PPARGC1A: variants seen among roughly 807,000 people sequenced by gnomAD.
The protein encoded by PPARGC1A is PPARG coactivator 1 alpha.
PPARGC1A carries 25 observed loss-of-function variants against 88.7 expected under a neutral mutation model. That is an observed-to-expected ratio of 0.28 (90% CI 0.21 to 0.39). The LOEUF is 0.39. Ranked by LOEUF, PPARGC1A falls within the 10% of genes least tolerant of loss-of-function variation. The pLI is 1.00. For missense variants in PPARGC1A, 880 were observed against 968.7 expected (o/e 0.91, Z 1.22); for synonymous variants, 363 against 355.6 (o/e 1.02, Z -0.24).
At chr4:24,263,430 CAT>C in the PPARGC1A span, among the ~76,000 whole-genome samples, 2 of 142,930 alleles carry the variant, frequency 1.4e-5, no homozygotes, top group African/African-American at 5.3e-5. Flanking sequence ...AGAAAAATGA[CAT>C]ATGTATACAC....
the PPARGC1A span, among the ~76,000 whole-genome samples, chr4:24,306,974 TACTA>T: frequency 5.9e-5 from 9 of 152,380 alleles, no homozygotes; most frequent in Middle Eastern, 3.4e-3. Context: ...CTTTCATTAT[TACTA>T]TTCAATAACT....
chr4:24,391,592 C>A, the PPARGC1A span, among the ~76,000 whole-genome samples: 1 of 151,960 alleles, frequency 6.6e-6, no homozygotes, highest in African/African-American at 2.4e-5. Context: ...CAGTATAAAA[C>A]AAAATTAAAT....
the PPARGC1A span, among the ~76,000 whole-genome samples, chr4:24,059,098 C>T: frequency 1.2e-4 from 18 of 152,088 alleles, no homozygotes; most frequent in South Asian, 4.1e-4. Flanking sequence ...AGCGCATTTC[C>T]GTGTTTATTT....
At chr4:24,314,383 T>C in the PPARGC1A span, among the ~76,000 whole-genome samples, 8 of 152,336 alleles carry the variant, frequency 5.3e-5, no homozygotes, top group African/African-American at 1.9e-4. Flanking sequence ...ATAAAAGGGC[T>C]GGAGGGAACT....
intron 2 of PPARGC1A, among the ~76,000 whole-genome samples, chr4:23,870,806 T>C (rs1229784587): frequency 6.6e-6 from 1 of 152,178 alleles, no homozygotes; most frequent in Non-Finnish European, 1.5e-5. Flanking sequence ...AATTAGGTTT[T>C]CCAGTATGAA....
the PPARGC1A span, among the ~76,000 whole-genome samples, chr4:24,160,277 TA>T: frequency 8.9e-4 from 135 of 152,318 alleles, no homozygotes; most frequent in African/African-American, 2.9e-3. Context: ...ACAAAACAGA[TA>T]AAAAGCCTTG....
chr4:24,465,825 C>A, the PPARGC1A span, among the ~76,000 whole-genome samples: 11 of 152,212 alleles, frequency 7.2e-5, no homozygotes, highest in South Asian at 2.3e-3. Context: ...CAGAAGATAC[C>A]TGTTATAACA....
Position 23,814,049 on chromosome 4 carries a change from T to C in PPARGC1A, c.1434A>G (p.Ala478=), listed in dbSNP as rs146861373. The change falls in exon 8 of 13, where the codon GCA becomes GCG. Residue 478 remains alanine, a synonymous_variant. Transcript: ENST00000264867. The part of the protein sequence containing the change: ...HPSQAVFDDE[A]DKTGELRDSD... ...TGTCCCTCAGTTCACCGGTCTTGTC[T>C]GCTTCGTCGTCAAAAACAGCTTGAC... 1.2e-6 allele frequency: 2 copies of C among 1,613,934 alleles called. No individual in the cohort carries two copies. The highest frequency in any genetic ancestry group is 2.7e-5 in the African/African-American group (2 of 74,920).
the PPARGC1A span, among the ~76,000 whole-genome samples, chr4:24,007,303 C>T: frequency 6.6e-6 from 1 of 152,044 alleles, no homozygotes; most frequent in African/African-American, 2.4e-5. Flanking sequence ...TATCAAATGC[C>T]CACTCAGTGA....
At chr4:24,032,424 C>T in the PPARGC1A span, among the ~76,000 whole-genome samples, 1 of 152,180 alleles carries the variant, frequency 6.6e-6, no homozygotes, top group African/African-American at 2.4e-5. Flanking sequence ...GCTCACCCAG[C>T]TCCCCAAGGG....
chr4:24,300,324 ATTTTTTTTTTTTTTTTTTTTTTTT>A, the PPARGC1A span, among the ~76,000 whole-genome samples: 21 of 45,026 alleles, frequency 4.7e-4, no homozygotes, highest in African/African-American at 1.0e-3. Flanking sequence ...ATACAATAGC[ATTTTTTTTTTTTTTTTTTTTTTTT>A]TTTTTTTTTT....
intron 3 of PPARGC1A, 68 bp downstream of exon 3, chr4:23,831,489 A>C: frequency 7.1e-7 from 1 of 1,401,334 alleles, no homozygotes; most frequent in Non-Finnish European, 1.0e-6. Context: ...TTGTGACTAC[A>C]TCATACCCAT....
At chr4:24,046,826 G>A in the PPARGC1A span, among the ~76,000 whole-genome samples, 15 of 152,206 alleles carry the variant, frequency 9.9e-5, no homozygotes, top group South Asian at 1.2e-3. Context: ...CTCTCAAGCC[G>A]TGTCTGTCCC....
the PPARGC1A span, among the ~76,000 whole-genome samples, chr4:24,309,142 A>T: frequency 2.3e-5 from 2 of 86,822 alleles, no homozygotes; most frequent in South Asian, 4.7e-4. Context: ...GTGTGGAAAG[A>T]AAAAAAAAGA....
the PPARGC1A span, among the ~76,000 whole-genome samples, chr4:24,406,445 A>C: frequency 6.6e-6 from 1 of 152,116 alleles, no homozygotes; most frequent in African/African-American, 2.4e-5. Flanking sequence ...ATCAAATTAA[A>C]CTGTGTGAGT....
chr4:24,181,652 T>C, the PPARGC1A span, among the ~76,000 whole-genome samples: 1 of 152,262 alleles, frequency 6.6e-6, no homozygotes, highest in Non-Finnish European at 1.5e-5. Context: ...CGAGTGAAGT[T>C]AAGAGAAAGA....
At chr4:24,169,327 G>A in the PPARGC1A span, among the ~76,000 whole-genome samples, 3 of 152,132 alleles carry the variant, frequency 2.0e-5, no homozygotes, top group East Asian at 5.8e-4. Flanking sequence ...GTAATACGGG[G>A]TCCTGGATGG....
intron 2 of PPARGC1A, among the ~76,000 whole-genome samples, chr4:23,843,536 C>A (rs2148618856): frequency 6.6e-6 from 1 of 152,010 alleles, no homozygotes; most frequent in Non-Finnish European, 1.5e-5. Flanking sequence ...TTTTCATGCA[C>A]TAAATTGAAT....
the PPARGC1A span, among the ~76,000 whole-genome samples, chr4:24,047,685 C>A: frequency 6.6e-6 from 1 of 152,178 alleles, no homozygotes; most frequent in Non-Finnish European, 1.5e-5. Context: ...AGTAACGAGT[C>A]CTTCTCAGCC....
Sources: allele counts gnomAD v4.1 joint callset (sites outside exome capture counted in the v4.1 genomes callset), GRCh38; gene constraint gnomAD v4.1.1; transcripts MANE v1.5; gene names NCBI Gene and HGNC (gene_info 2026-07-23, HGNC 2026-07-21).